The following TMEM127 variants were observed in gnomAD, a reference collection of about 807,000 sequenced individuals.
TMEM127 encodes transmembrane protein 127.
In TMEM127, 21 loss-of-function variants were observed where a neutral mutation model predicts 20.1. The observed-to-expected ratio is 1.04, with a 90% CI of 0.74 to 1.50. TMEM127 has a LOEUF of 1.50. Ranked by LOEUF, TMEM127 falls within the 40% of genes most tolerant of loss-of-function variation. The pLI is 0.00. For synonymous variants in TMEM127, 150 were observed against 144.7 expected, an observed-to-expected ratio of 1.04 and a Z score of -0.26; for missense variants, 303 against 317.4, an observed-to-expected ratio of 0.95 and a Z score of 0.34.
At position 96,254,095 on chromosome 2, in the gene TMEM127, T is replaced by A. The variant is rs896909534; in HGVS notation, c.430A>T (p.Ile144Phe). The A allele has an allele frequency of 1.9e-6, 3 of 1,614,052 alleles. No individual in the cohort carries two copies. Among genetic ancestry groups the A allele is most frequent in the Non-Finnish European group, 2.5e-6 (3 of 1,180,022 alleles). ...TCAGAAGCCCAATAAGAAAAGCCAA[T>A]GACGGTGGCACACTGCAGAACTAGG... ...ILTVLQCATVIGFSYWASELI... is the reference protein window; with the variant it reads ...ILTVLQCATVFGFSYWASELI... Residue 144 changes from isoleucine to phenylalanine, a missense_variant, in exon 4 of 4, where the codon ATT becomes TTT. Ile to Phe is a conservative substitution (Grantham distance 21). Transcript: ENST00000258439.
At position 96,254,100 on chromosome 2, in the gene TMEM127, G is replaced by A. The variant is rs2104285313; in HGVS notation, c.425C>T (p.Thr142Ile). ...AHILTVLQCA[T>I]VIGFSYWASE... ...AGCCCAATAAGAAAAGCCAATGACGGTGGCACACTGCAGAACTAGGAGACA... is the reference window on the plus strand; with the variant it reads ...AGCCCAATAAGAAAAGCCAATGACGATGGCACACTGCAGAACTAGGAGACA... The change falls in exon 4 of 4, where the codon ACC (threonine) becomes ATC (isoleucine). Residue 142 changes from threonine (T) to isoleucine (I), a missense_variant. Transcript: ENST00000258439. 1 of 1,614,040 alleles carries A rather than the reference G, an allele frequency of 6.2e-7. No individual in the cohort carries two copies. The highest frequency in any genetic ancestry group is 8.5e-7 in the Non-Finnish European group (1 of 1,180,038).
In TMEM127 at chr2:96,253,368, G is replaced by A. The variant is rs1414657055; in HGVS notation, c.*440C>T. 1 of 252,328 alleles carries A rather than the reference G, an allele frequency of 4.0e-6. No individual in the cohort carries two copies. Among genetic ancestry groups the A allele is most frequent in the Non-Finnish European group, 7.7e-6 (1 of 129,170 alleles). The allele number at this position is 252,328 out of a possible 1,614,324, so 15.6% of individuals were successfully genotyped here. A position where few individuals can be genotyped will look rare whatever the true frequency, so the allele number is the denominator to read the frequency against. The stretch of plus-strand genomic sequence containing the variant: ...AAGGGGTCTGGGGGGCGTCAGCCCA[G>A]AGCTACAGCTGTGGAGCAAACACTG... On this transcript the variant is annotated 3_prime_UTR_variant, in exon 4 of 4. Transcript: ENST00000258439. This position sits in a 1 kb window ranked among gnomAD's most constrained non-coding sequence, Gnocchi z 4.3.
chr2:96,263,509 C>T (rs929575196), intron 2 of TMEM127, among the ~76,000 whole-genome samples: 1 of 152,140 alleles, frequency 6.6e-6, no homozygotes, highest in Non-Finnish European at 1.5e-5. Flanking sequence ...ATTACAGATG[C>T]CTGCCACCAC....
intron 2 of TMEM127, among the ~76,000 whole-genome samples, chr2:96,255,581 G>A (rs1187766492): frequency 6.6e-6 from 1 of 152,192 alleles, no homozygotes; most frequent in Non-Finnish European, 1.5e-5. Flanking sequence ...ATATAATGGT[G>A]GTTGCCAGCA....
In TMEM127 at chr2:96,252,712, CCT is replaced by C. The variant is rs1408364309; in HGVS notation, c.*1094_*1095del. On this transcript the variant is annotated 3_prime_UTR_variant, in exon 4 of 4. Coordinates refer to ENST00000258439, the MANE Select transcript of TMEM127 (RefSeq NM_017849.4). The surrounding 1 kb of genome is among the most constrained non-coding windows in gnomAD (Gnocchi z 4.2). ...TATGTGGAGGGTGGTGGGTTCCTGC[CCT>C]GTTGTGGCCCCTGTTCCTAAACTGA... The C allele has an allele frequency of 4.3e-6, 1 of 233,724 alleles. No individual in the cohort carries two copies. Among genetic ancestry groups the C allele is most frequent in the African/African-American group, 2.2e-5 (1 of 45,332 alleles). 14.5% of individuals were successfully genotyped at this position (233,724 alleles called of 1,614,324 possible).
chr2:96,256,419 A>C (rs984929444), intron 2 of TMEM127, among the ~76,000 whole-genome samples: 3 of 151,472 alleles, frequency 2.0e-5, no homozygotes, highest in African/African-American at 7.3e-5. Context: ...TAAAAATACA[A>C]AATTAGCCGG....
At chr2:96,258,929 A>G (rs969125693) in intron 2 of TMEM127, among the ~76,000 whole-genome samples, 1 of 152,162 alleles carries the variant, frequency 6.6e-6, no homozygotes, top group Non-Finnish European at 1.5e-5. Context: ...GAGTAAGAAA[A>G]GTAATATGTG....
intron 2 of TMEM127, 126 bp downstream of exon 2, chr2:96,265,012 T>G: frequency 1.3e-6 from 2 of 1,489,654 alleles, no homozygotes; most frequent in South Asian, 2.4e-5. Context: ...CTGGTGGGCA[T>G]GAACACCAGG....
In TMEM127 at chr2:96,248,593, T is replaced by C. The variant is rs1393742596; in HGVS notation, c.*5215A>G. 4.6e-6 allele frequency: 1 copy of C among 218,110 alleles called. No individual in the cohort carries two copies. The highest frequency in any genetic ancestry group is 5.8e-5 in the Admixed American group (1 of 17,266). 13.5% of individuals were successfully genotyped at this position (218,110 alleles called of 1,614,324 possible). A position where few individuals can be genotyped will look rare whatever the true frequency, so the allele number is the denominator to read the frequency against. On this transcript the variant is annotated 3_prime_UTR_variant, in exon 4 of 4. Coordinates refer to ENST00000258439, the MANE Select transcript of TMEM127 (RefSeq NM_017849.4). ...ATTCCAGAAGGAAACTCTCCACCAA[T>C]AGTGGTGGCACTAGACATATACTGA...
chr2:96,263,367 T>C (rs575044256), intron 2 of TMEM127, among the ~76,000 whole-genome samples: 1 of 150,222 alleles, frequency 6.7e-6, no homozygotes, highest in African/African-American at 2.4e-5. Context: ...TTTCTTTTTT[T>C]TTTTTTTTTT....
chr2:96,265,404 T>C lies in TMEM127; in HGVS notation c.-23A>G, dbSNP rs1684399616. 7.4e-7 allele frequency: 1 copy of C among 1,357,030 alleles called. No individual in the cohort carries two copies. Among genetic ancestry groups the C allele is most frequent in the Non-Finnish European group, 9.4e-7 (1 of 1,060,518 alleles). 84.1% of individuals were successfully genotyped at this position (1,357,030 alleles called of 1,614,324 possible). A position where few individuals can be genotyped will look rare whatever the true frequency, so the allele number is the denominator to read the frequency against. On this transcript the variant is annotated 5_prime_UTR_variant, in exon 2 of 4. Transcript: ENST00000258439. ...CATGCCCGGGGCCGCCCGCCGTCGC[T>C]CCGCAGTCGCTGCTGGTCGCCGCCG...
chr2:96,259,738 C>T (rs75301566), intron 2 of TMEM127, among the ~76,000 whole-genome samples: 2 of 152,182 alleles, frequency 1.3e-5, no homozygotes, highest in African/African-American at 4.8e-5. Flanking sequence ...CCCTTGAGTG[C>T]GCTGGACCTC....
In TMEM127 at chr2:96,252,834, G is replaced by A. The variant is rs1684120810; in HGVS notation, c.*974C>T. ...TCAGCCCCTCTGGGTTCCACGAGAA[G>A]GCCCCAGGGAGTCACCGTCACTGAG... On this transcript the variant is annotated 3_prime_UTR_variant, in exon 4 of 4. Coordinates refer to ENST00000258439, the MANE Select transcript of TMEM127 (RefSeq NM_017849.4). The surrounding 1 kb of genome is among the most constrained non-coding windows in gnomAD (Gnocchi z 4.2). 4.3e-6 allele frequency: 1 copy of A among 233,946 alleles called. No homozygotes were observed. Among genetic ancestry groups the A allele is most frequent in the Admixed American group, 5.6e-5 (1 of 17,800 alleles). 14.5% of individuals were successfully genotyped at this position (233,946 alleles called of 1,614,324 possible).
intron 2 of TMEM127, among the ~76,000 whole-genome samples, chr2:96,255,997 G>C (rs957504293): frequency 2.6e-5 from 4 of 152,024 alleles, no homozygotes; most frequent in African/African-American, 9.7e-5. Context: ...TATTGGCCAG[G>C]CATGGTAGCT....
intron 2 of TMEM127, among the ~76,000 whole-genome samples, chr2:96,261,942 G>T (rs1684318221): frequency 6.6e-6 from 1 of 152,158 alleles, no homozygotes; most frequent in Non-Finnish European, 1.5e-5. Context: ...GCAGAGACCT[G>T]GCAGGGTCTG....
rs1189661947 is a variant in TMEM127 at position 96,250,735 on chromosome 2, G to C, written c.*3073C>G. On this transcript the variant is annotated 3_prime_UTR_variant, in exon 4 of 4. Transcript: ENST00000258439. ...GGAAGAAGGAACGGAGAGAACGTGG[G>C]CAATCAAGGCCTGGCACTGCCCTAC... 4.3e-6 allele frequency: 1 copy of C among 232,864 alleles called. No individual in the cohort carries two copies. The highest frequency in any genetic ancestry group is 2.2e-5 in the African/African-American group (1 of 45,310). 14.4% of individuals were successfully genotyped at this position (232,864 alleles called of 1,614,324 possible). A position where few individuals can be genotyped will look rare whatever the true frequency, so the allele number is the denominator to read the frequency against.
chr2:96,257,794 A>G (rs570490613), intron 2 of TMEM127, among the ~76,000 whole-genome samples: 4 of 152,124 alleles, frequency 2.6e-5, no homozygotes, highest in Non-Finnish European at 5.9e-5. Flanking sequence ...GTGCACCTGT[A>G]GTCCCAGCTA....
Position 96,252,463 on chromosome 2 carries a change from C to G in TMEM127, c.*1345G>C. ...CAGATCTCAGGGCAGAAAATTCAGC[C>G]AGACCCAGAGCAAACAAGGTGACCA... is the stretch of plus-strand genomic sequence containing the variant. On this transcript the variant is annotated 3_prime_UTR_variant, in exon 4 of 4. Coordinates refer to ENST00000258439, the MANE Select transcript of TMEM127 (RefSeq NM_017849.4). The surrounding 1 kb of genome is among the most constrained non-coding windows in gnomAD (Gnocchi z 4.2). The G allele has an allele frequency of 4.3e-6, 1 of 233,824 alleles. No homozygotes were observed. The highest frequency in any genetic ancestry group is 6.0e-5 in the East Asian group (1 of 16,598). 14.5% of individuals were successfully genotyped at this position (233,824 alleles called of 1,614,324 possible).
At chr2:96,259,672 T>C (rs771246477) in intron 2 of TMEM127, among the ~76,000 whole-genome samples, 3 of 152,236 alleles carry the variant, frequency 2.0e-5, no homozygotes, top group Non-Finnish European at 2.9e-5. Context: ...CCGGAAAGGC[T>C]TGGGACCTGG....
Sources: allele counts gnomAD v4.1 joint callset (sites outside exome capture counted in the v4.1 genomes callset), GRCh38; gene constraint gnomAD v4.1.1; non-coding constraint Gnocchi (gnomAD v3.1); transcripts MANE v1.5; gene names NCBI Gene and HGNC (gene_info 2026-07-23, HGNC 2026-07-21).